HIF3A: variants seen among roughly 807,000 people sequenced by gnomAD.
HIF3A encodes hypoxia inducible factor 3 subunit alpha.
A neutral mutation model predicts 67.2 loss-of-function variants in HIF3A; 41 were observed. The ratio of observed to expected loss-of-function variants is 0.61; its 90% CI spans 0.48 to 0.79. The LOEUF (loss-of-function observed/expected upper bound fraction) is 0.79, where lower values mean the gene tolerates loss of function less well. Among genes scored for constraint, HIF3A ranks in the 30% least tolerant of loss-of-function variants. The probability of loss-of-function intolerance (pLI) is 0.00; values close to 1 mark genes in which losing one functional copy is unlikely to be tolerated. For missense variants in HIF3A, 855 were observed against 898.0 expected (o/e 0.95, Z 0.61); for synonymous variants, 356 against 374.8 (o/e 0.95, Z 0.58).
intron 13 of HIF3A, among the ~76,000 whole-genome samples, chr19:46,334,346 C>A (rs1053946580): frequency 2.0e-5 from 3 of 152,124 alleles, no homozygotes. Flanking sequence ...CCCATCTCAG[C>A]CTCCCAAAGT....
At chr19:46,299,882 C>T in intron 1 of HIF3A, among the ~76,000 whole-genome samples, 1 of 152,150 alleles carries the variant, frequency 6.6e-6, no homozygotes, top group South Asian at 2.1e-4. Context: ...ACAGACCTGG[C>T]TTGAATCCTG....
chr19:46,333,546 A>G (rs1465942854), intron 13 of HIF3A, among the ~76,000 whole-genome samples: 2 of 152,068 alleles, frequency 1.3e-5, no homozygotes, highest in Non-Finnish European at 2.9e-5. Context: ...GCAAAGTTGC[A>G]TGCTGTCACG....
intron 1 of HIF3A, among the ~76,000 whole-genome samples, chr19:46,301,080 A>T (rs1354911663): frequency 6.6e-6 from 1 of 152,066 alleles, no homozygotes; most frequent in South Asian, 2.1e-4. Flanking sequence ...ATGTCCTCTC[A>T]GGCAGGCAGG....
rs1054690452 is a variant in HIF3A at position 46,335,837 on chromosome 19, G to A, written c.1912+851G>A. Reference sequence around the variant, plus strand: ...GAGGATCACTTGAGACCAGGGGTTCGAGACCAGCCTGGGAAACATGGCAAA... The same window carrying A: ...GAGGATCACTTGAGACCAGGGGTTCAAGACCAGCCTGGGAAACATGGCAAA... On this transcript the variant is annotated intron_variant, in intron 14 of 14. Coordinates refer to ENST00000377670, the MANE Select transcript of HIF3A (RefSeq NM_152795.4). Among the ~76,000 whole-genome samples the A allele has an allele frequency of 2.6e-5, 4 of 152,024 alleles. No homozygotes were observed. In the East Asian group the frequency reaches 7.7e-4, roughly 29 times the overall value.
chr19:46,333,704 C>T (rs1971398156), intron 13 of HIF3A, among the ~76,000 whole-genome samples: 1 of 151,918 alleles, frequency 6.6e-6, no homozygotes, highest in South Asian at 2.1e-4. Flanking sequence ...TTAACTACTG[C>T]ACCATCTTGT....
rs1199833129 is a variant in HIF3A, at chr19:46,325,644, G to A, written c.1440+5G>A. The A allele has an allele frequency of 1.3e-6, 2 of 1,584,778 alleles. No individual in the cohort carries two copies. Among genetic ancestry groups the A allele is most frequent in the African/African-American group, 2.7e-5 (2 of 74,222 alleles). ...ACAGATTTAGATATAGCTCAGGTAA[G>A]GGCTGGCATGGAAGGGAGTAATCCT... On this transcript the variant is annotated splice_donor_5th_base_variant and intron_variant, in intron 11 of 14. Transcript: ENST00000377670.
intron 6 of HIF3A, among the ~76,000 whole-genome samples, chr19:46,310,299 G>T (rs1034393419): frequency 6.6e-6 from 1 of 151,806 alleles, no homozygotes; most frequent in Non-Finnish European, 1.5e-5. Flanking sequence ...GGAGGCTGAA[G>T]TGGGAGGAAT....
intron 8 of HIF3A, chr19:46,312,882 ATT>A (rs531816670): frequency 6.5e-3 from 5,632 of 871,580 alleles, no homozygotes; most frequent in South Asian, 0.015. Flanking sequence ...TAGACTGTTA[ATT>A]TTTTTTTTTT....
chr19:46,312,882 ATTTTTTTTTTTTT>A (rs531816670), intron 8 of HIF3A: 234 of 878,392 alleles, frequency 2.7e-4, no homozygotes, highest in East Asian at 4.0e-4. Context: ...TAGACTGTTA[ATTTTTTTTTTTTT>A]TTTTTTTTTT....
chr19:46,335,547 G>A (rs1425628763), intron 14 of HIF3A, among the ~76,000 whole-genome samples: 4 of 152,118 alleles, frequency 2.6e-5, no homozygotes, highest in Non-Finnish European at 5.9e-5. Context: ...TGGAATTACA[G>A]GTGTGAGCCA....
intron 10 of HIF3A, among the ~76,000 whole-genome samples, chr19:46,323,934 T>C (rs566174169): frequency 1.4e-3 from 213 of 152,244 alleles, no homozygotes; most frequent in Middle Eastern, 0.01. Flanking sequence ...GTGGGAATTA[T>C]GGGACTATAG....
At chr19:46,319,663 T>C (rs1970205326) in intron 8 of HIF3A, among the ~76,000 whole-genome samples, 2 of 152,320 alleles carry the variant, frequency 1.3e-5, no homozygotes, top group Admixed American at 6.5e-5. Flanking sequence ...TATTTTTTCA[T>C]CAATACCTTT....
chr19:46,331,035 T>G, intron 12 of HIF3A, 121 bp from the exon 13 acceptor site: 1 of 642,342 alleles, frequency 1.6e-6, no homozygotes, highest in Non-Finnish European at 2.7e-6. Context: ...CTGGTGGGTG[T>G]ATGACTAAAG....
At chr19:46,311,944 T>C in intron 6 of HIF3A, 1 of 747,072 alleles carries the variant, frequency 1.3e-6, no homozygotes, top group Non-Finnish European at 2.5e-6. Flanking sequence ...AGACCATATC[T>C]ACAGATTCCG....
intron 12 of HIF3A, 84 bp downstream of exon 12, chr19:46,329,562 A>C: frequency 7.3e-7 from 1 of 1,374,548 alleles, no homozygotes; most frequent in Non-Finnish European, 9.5e-7. Flanking sequence ...CTCATCCCTC[A>C]CCATTTCTCT....
intron 8 of HIF3A, chr19:46,320,053 A>T (rs1248377017): frequency 6.0e-6 from 1 of 166,256 alleles, no homozygotes; most frequent in Admixed American, 6.2e-5. Context: ...AACGTGGTGA[A>T]ACCCCGTCTC....
chr19:46,309,362 G>A lies in HIF3A; in HGVS notation c.770+3G>A, dbSNP rs1272348797. 1.3e-6 allele frequency: 2 copies of A among 1,595,618 alleles called. No individual in the cohort carries two copies. Among genetic ancestry groups the A allele is most frequent in the Non-Finnish European group, 1.7e-6 (2 of 1,170,870 alleles). On this transcript the variant is annotated splice_donor_region_variant and intron_variant, in intron 6 of 14. Coordinates refer to ENST00000377670, the MANE Select transcript of HIF3A (RefSeq NM_152795.4). ...AAGTTCACCTACTGTGACGACAGGT[G>A]GGCAGGGGCCCCCTCTTCCGTCTGC...
intron 3 of HIF3A, among the ~76,000 whole-genome samples, chr19:46,307,429 C>A (rs974675400): frequency 6.7e-6 from 1 of 149,974 alleles, no homozygotes; most frequent in African/African-American, 2.5e-5. Context: ...TGGTGAGACC[C>A]CCATTTCTAC....
rs148799051 is a variant in HIF3A at position 46,329,339 on chromosome 19, C to G, written c.1573C>G (p.Arg525Gly). The change falls in exon 12 of 15, where the codon CGG becomes GGG. Residue 525 changes from arginine (R) to glycine (G), a missense_variant. Coordinates refer to ENST00000377670, the MANE Select transcript of HIF3A (RefSeq NM_152795.4). ...GGGGGCTGTCCCCCGGCCCCGTGCT[C>G]GGAGCTTCCATGGCCTGTCACCTCC... is the stretch of plus-strand genomic sequence containing the variant. ...PLGAVPRPRA[R>G]SFHGLSPPAL... The G allele has an allele frequency of 6.2e-7, 1 of 1,613,266 alleles. No homozygotes were observed.
Sources: allele counts gnomAD v4.1 joint callset (sites outside exome capture counted in the v4.1 genomes callset), GRCh38; gene constraint gnomAD v4.1.1; transcripts MANE v1.5; gene names NCBI Gene and HGNC (gene_info 2026-07-23, HGNC 2026-07-21).